COL23A1: variants seen among roughly 807,000 people sequenced by gnomAD.
COL23A1 encodes collagen alpha-1(XXIII) chain.
In COL23A1, 97 loss-of-function variants were observed where a neutral mutation model predicts 99.3. The ratio of observed to expected loss-of-function variants is 0.98; its 90% confidence interval spans 0.83 to 1.16. The LOEUF (loss-of-function observed/expected upper bound fraction) is 1.16, where lower values mean the gene tolerates loss of function less well. Ranked by LOEUF, COL23A1 falls within the 50% of genes most tolerant of loss-of-function variation. The probability of loss-of-function intolerance (pLI) is 0.00; values close to 1 mark genes in which losing one functional copy is unlikely to be tolerated. For missense variants in COL23A1, 762 were observed against 757.4 expected, an observed-to-expected ratio of 1.01 and a Z score of -0.07; for synonymous variants, 320 against 308.2, an observed-to-expected ratio of 1.04 and a Z score of -0.40.
At chr5:178,257,046 T>A in intron 13 of COL23A1, 118 bp from the exon 14 acceptor site, 1 of 874,464 alleles carries the variant, frequency 1.1e-6, no homozygotes, top group Non-Finnish European at 1.8e-6. Flanking sequence ...TGGCAAATTG[T>A]TACTGAGTCC....
At chr5:178,485,866 C>T (rs1757601811) in intron 2 of COL23A1, among the ~76,000 whole-genome samples, 1 of 151,908 alleles carries the variant, frequency 6.6e-6, no homozygotes, top group African/African-American at 2.4e-5. Context: ...AAATCTGCCC[C>T]AGCTGAGTGG....
At position 178,313,633 on chromosome 5, in the gene COL23A1, T is replaced by C. The variant is rs1206959167; in HGVS notation, c.362-6714A>G. 6.6e-6 allele frequency among the ~76,000 whole-genome samples: 1 copy of C among 152,214 alleles called. No individual in the cohort carries two copies. The highest frequency in any genetic ancestry group is 1.5e-5 in the Non-Finnish European group (1 of 68,032). ...GAACATCTGTGTGTGATTTCCAGTG[T>C]GACCATGGCCAAGATTTTCTCATCC... On this transcript the variant is annotated intron_variant, in intron 2 of 28. Transcript: ENST00000390654. The surrounding 1 kb of genome is among the most constrained non-coding windows in gnomAD (Gnocchi z 4.2).
intron 25 of COL23A1, among the ~76,000 whole-genome samples, chr5:178,245,485 TTCA>T (rs1764636647): frequency 6.8e-6 from 1 of 147,002 alleles, no homozygotes; most frequent in South Asian, 2.2e-4. Flanking sequence ...CCATCATCCA[TTCA>T]TCATCCACCC....
At chr5:178,344,820 C>T in intron 2 of COL23A1, 1 of 653,146 alleles carries the variant, frequency 1.5e-6, no homozygotes, top group Non-Finnish European at 2.7e-6. Context: ...CACTGTAGCT[C>T]AGGCCCATGG....
At chr5:178,240,596 G>C (rs898129154) in intron 27 of COL23A1, among the ~76,000 whole-genome samples, 1 of 152,206 alleles carries the variant, frequency 6.6e-6, no homozygotes, top group African/African-American at 2.4e-5. Flanking sequence ...GCCAGGCCCC[G>C]GAGCTGCGGG....
intron 2 of COL23A1, among the ~76,000 whole-genome samples, chr5:178,529,524 C>CT (rs1290469648): frequency 1.3e-5 from 2 of 152,198 alleles, no homozygotes; most frequent in African/African-American, 4.8e-5. Flanking sequence ...TACCCGTGGC[C>CT]TTTCTAGTTA....
At chr5:178,499,677 G>T (rs538045878) in intron 2 of COL23A1, among the ~76,000 whole-genome samples, 3 of 152,294 alleles carry the variant, frequency 2.0e-5, no homozygotes, top group Admixed American at 1.3e-4. Flanking sequence ...AAAGTTAATC[G>T]TATACCTAAT....
chr5:178,569,664 G>T (rs1490758868), intron 1 of COL23A1, among the ~76,000 whole-genome samples: 1 of 152,166 alleles, frequency 6.6e-6, no homozygotes, highest in African/African-American at 2.4e-5. Flanking sequence ...GGTTCTCGAG[G>T]CTGAAATCAA....
intron 2 of COL23A1, among the ~76,000 whole-genome samples, chr5:178,394,241 C>CG (rs1764113096): frequency 6.6e-6 from 1 of 152,214 alleles, no homozygotes; most frequent in African/African-American, 2.4e-5. Context: ...AGGGCAGGTC[C>CG]GGTACAGGTT....
intron 3 of COL23A1, among the ~76,000 whole-genome samples, chr5:178,303,737 C>T (rs1205492926): frequency 2.0e-5 from 3 of 152,232 alleles, no homozygotes; most frequent in Admixed American, 2.0e-4. Flanking sequence ...TCCCTTCTCT[C>T]CTCCTTCCCA....
At chr5:178,569,745 G>C (rs553289887) in intron 1 of COL23A1, among the ~76,000 whole-genome samples, 1 of 152,244 alleles carries the variant, frequency 6.6e-6, no homozygotes, top group African/African-American at 2.4e-5. Context: ...TCCTGGTTTA[G>C]CAGGAAGGCC....
chr5:178,336,061 C>T (rs566536086), intron 2 of COL23A1, among the ~76,000 whole-genome samples: 12 of 152,246 alleles, frequency 7.9e-5, no homozygotes, highest in South Asian at 4.1e-4. Context: ...GTGGAATAAG[C>T]CAGGTGCCCA....
rs1273893592 is a variant in COL23A1 at position 178,439,780 on chromosome 5, C to G, written c.361+120902G>C. 1 of 152,198 alleles carries G rather than the reference C, an allele frequency of 6.6e-6. No individual in the cohort carries two copies. Among genetic ancestry groups the G allele is most frequent in the Non-Finnish European group, 1.5e-5 (1 of 68,046 alleles). 9.4% of individuals were successfully genotyped at this position (152,198 alleles called of 1,614,324 possible). On this transcript the variant is annotated intron_variant, in intron 2 of 28. Transcript: ENST00000390654. The surrounding 1 kb of genome is among the most constrained non-coding windows in gnomAD (Gnocchi z 4.2). Reference sequence around the variant, plus strand: ...CATAGAAGCGTTCTTCAAAATAGCCCCAAACTGGAAACAATCCAAGCATCC... The same window carrying G: ...CATAGAAGCGTTCTTCAAAATAGCCGCAAACTGGAAACAATCCAAGCATCC...
intron 9 of COL23A1, among the ~76,000 whole-genome samples, chr5:178,262,533 C>A (rs1561802795): frequency 6.6e-6 from 1 of 151,940 alleles, no homozygotes; most frequent in Non-Finnish European, 1.5e-5. Context: ...TGGGGGGGGA[C>A]CCTGGTGGCA....
chr5:178,412,735 T>C (rs1472121005), intron 2 of COL23A1, among the ~76,000 whole-genome samples: 1 of 152,232 alleles, frequency 6.6e-6, no homozygotes, highest in Non-Finnish European at 1.5e-5. Flanking sequence ...TTTGTGACTA[T>C]AATTTTAAAT....
intron 2 of COL23A1, among the ~76,000 whole-genome samples, chr5:178,358,240 A>ATGTGTGTG (rs879838523): frequency 6.1e-5 from 3 of 49,468 alleles, no homozygotes; most frequent in African/African-American, 3.6e-4. Context: ...GTATGTGTGT[A>ATGTGTGTG]TGTGTATGTG....
At chr5:178,416,443 C>A (rs1169046223) in intron 2 of COL23A1, among the ~76,000 whole-genome samples, 1 of 152,258 alleles carries the variant, frequency 6.6e-6, no homozygotes, top group East Asian at 1.9e-4. Context: ...CCGAGGGAGG[C>A]AGTGCTGCTG....
At chr5:178,299,101 T>C (rs1244703126) in intron 3 of COL23A1, among the ~76,000 whole-genome samples, 1 of 152,240 alleles carries the variant, frequency 6.6e-6, no homozygotes, top group Non-Finnish European at 1.5e-5. Context: ...TAAAAGACAT[T>C]GGTCTATAGT....
chr5:178,354,352 G>T (rs1761503013), intron 2 of COL23A1, among the ~76,000 whole-genome samples: 1 of 152,110 alleles, frequency 6.6e-6, no homozygotes, highest in Non-Finnish European at 1.5e-5. Flanking sequence ...GCGACTACAG[G>T]CACATGCCAC....
Sources: gnomAD v4.1 joint callset for allele counts (sites outside exome capture counted in the v4.1 genomes callset) on GRCh38, gnomAD v4.1.1 for gene constraint, Gnocchi (gnomAD v3.1) non-coding constraint, MANE v1.5 for transcripts, NCBI Gene and HGNC (gene_info 2026-07-23, HGNC 2026-07-21) for gene names.